Variants in DAB1 observed in about 807,000 individuals in gnomAD.
DAB1 encodes disabled homolog 1.
In DAB1, 15 loss-of-function variants were observed where a neutral mutation model predicts 64.6. The ratio of observed to expected loss-of-function variants is 0.23; its 90% CI spans 0.16 to 0.36. The LOEUF is 0.36. DAB1 is among the 10% of genes least tolerant of loss of function. The probability of loss-of-function intolerance (pLI) is 1.00; values close to 1 mark genes in which losing one functional copy is unlikely to be tolerated. For missense variants in DAB1, 596 were observed against 706.7 expected, an observed-to-expected ratio of 0.84 and a Z score of 1.78; for synonymous variants, 235 against 251.9, an observed-to-expected ratio of 0.93 and a Z score of 0.64.
At chr1:57,106,886 A>T (rs1655211251) in intron 4 of DAB1, among the ~76,000 whole-genome samples, 1 of 152,148 alleles carries the variant, frequency 6.6e-6, no homozygotes, top group African/African-American at 2.4e-5. Flanking sequence ...ATAAAAACAG[A>T]TACAAAGTAG....
At chr1:57,407,209 A>T (rs1005137688) in intron 1 of DAB1, among the ~76,000 whole-genome samples, 37 of 152,238 alleles carry the variant, frequency 2.4e-4, no homozygotes, top group African/African-American at 7.7e-4. Context: ...GATTTGGAGT[A>T]AACAAAATGT....
In DAB1 at chr1:58,154,641, G is replaced by A. The variant is rs78033595; in HGVS notation, n.310-4053C>T. Among the ~76,000 whole-genome samples, 1,044 of 152,244 alleles carry A rather than the reference G, an allele frequency of 6.9e-3. 43 individuals carry two copies. In the South Asian group the frequency reaches 0.099, roughly 14 times the overall value. ...ACCAGGAGACTAAAGGAGGGTGACT[G>A]GCTCTGCCTAGTAGAGTCCAGAATG... is the stretch of plus-strand genomic sequence containing the variant. On this transcript the variant is annotated intron_variant and non_coding_transcript_variant, in intron 4 of 20. Coordinates refer to the DAB1 transcript ENST00000485760.
intron 1 of DAB1, among the ~76,000 whole-genome samples, chr1:58,545,665 T>C (rs1272780291): frequency 6.6e-6 from 1 of 152,214 alleles, no homozygotes; most frequent in African/African-American, 2.4e-5. Context: ...CCTTAATTCT[T>C]TAAGTACCAT....
intron 7 of DAB1, among the ~76,000 whole-genome samples, chr1:57,475,517 A>T (rs780105868): frequency 6.6e-6 from 1 of 152,246 alleles, no homozygotes; most frequent in African/African-American, 2.4e-5. Context: ...TACTTGGATA[A>T]GGAAATCAAG....
chr1:58,452,622 C>T (rs1645150222), intron 3 of DAB1, among the ~76,000 whole-genome samples: 1 of 138,472 alleles, frequency 7.2e-6, no homozygotes, highest in Non-Finnish European at 1.5e-5. Flanking sequence ...CCAGCCTGGC[C>T]AACGTGGTGA....
chr1:58,450,525 C>T (rs12411175), intron 3 of DAB1, among the ~76,000 whole-genome samples: 46,312 of 152,046 alleles, frequency 0.3, 8,866 homozygotes, highest in Non-Finnish European at 0.42. Context: ...GAGGCCGAGG[C>T]GGGCGGATCA....
At chr1:57,781,172 A>G (rs1650081184) in intron 6 of DAB1, among the ~76,000 whole-genome samples, 1 of 70,132 alleles carries the variant, frequency 1.4e-5, no homozygotes, top group Non-Finnish European at 2.8e-5. Flanking sequence ...ATATATATAT[A>G]GTTGCCTAAT....
chr1:57,994,122 G>T (rs1646389487), intron 5 of DAB1, among the ~76,000 whole-genome samples: 1 of 152,180 alleles, frequency 6.6e-6, no homozygotes, highest in Non-Finnish European at 1.5e-5. Context: ...TGACTATTAA[G>T]TCTGGCAGCA....
intron 4 of DAB1, among the ~76,000 whole-genome samples, chr1:58,314,324 G>A (rs1475371843): frequency 6.6e-6 from 1 of 152,082 alleles, no homozygotes; most frequent in Admixed American, 6.6e-5. Flanking sequence ...CTGTTCTATG[G>A]CCTTGACAAC....
intron 1 of DAB1, among the ~76,000 whole-genome samples, chr1:57,320,192 G>T (rs1461179976): frequency 1.3e-5 from 2 of 152,160 alleles, no homozygotes; most frequent in African/African-American, 4.8e-5. Context: ...TGCCAGCAAG[G>T]TCCCAGAAGG....
intron 9 of DAB1, among the ~76,000 whole-genome samples, chr1:57,057,694 G>A (rs1277190559): frequency 6.7e-6 from 1 of 149,286 alleles, no homozygotes. Context: ...TGCAAGCTCT[G>A]CCTCCCGGGT....
intron 5 of DAB1, among the ~76,000 whole-genome samples, chr1:58,055,514 T>C (rs1435199744): frequency 6.9e-5 from 10 of 144,324 alleles, no homozygotes; most frequent in Non-Finnish European, 1.4e-4. Flanking sequence ...ACAGTCAGTA[T>C]ATTTTCTTTA....
chr1:58,540,971 A>C (rs1479270356), intron 1 of DAB1, among the ~76,000 whole-genome samples: 1 of 152,146 alleles, frequency 6.6e-6, no homozygotes, highest in African/African-American at 2.4e-5. Flanking sequence ...TGAAAGATAA[A>C]ATCTTAAACT....
At chr1:58,416,776 C>A (rs907870284) in intron 3 of DAB1, among the ~76,000 whole-genome samples, 1 of 152,092 alleles carries the variant, frequency 6.6e-6, no homozygotes, top group African/African-American at 2.4e-5. Context: ...AGGGACAGAT[C>A]TTCCTCTGCT....
intron 5 of DAB1, among the ~76,000 whole-genome samples, chr1:57,929,910 C>T (rs775431483): frequency 6.6e-6 from 1 of 152,204 alleles, no homozygotes; most frequent in Non-Finnish European, 1.5e-5. Context: ...ACCCCCAGGA[C>T]CCAACCACAT....
chr1:57,647,317 C>T (rs2101650336), intron 7 of DAB1, among the ~76,000 whole-genome samples: 1 of 152,280 alleles, frequency 6.6e-6, no homozygotes, highest in South Asian at 2.1e-4. Context: ...CAATGATGCA[C>T]CTTCAAATAA....
chr1:58,541,364 A>T (rs1646611909), intron 1 of DAB1: 1 of 146,910 alleles, frequency 6.8e-6, no homozygotes, highest in African/African-American at 2.5e-5. Context: ...ACATACTCTG[A>T]TTACATCTCT....
chr1:57,464,374 A>G (rs1686886465), intron 7 of DAB1, among the ~76,000 whole-genome samples: 1 of 152,104 alleles, frequency 6.6e-6, no homozygotes, highest in Non-Finnish European at 1.5e-5. Flanking sequence ...CTATCCATCC[A>G]GTTTCCATTT....
intron 3 of DAB1, among the ~76,000 whole-genome samples, chr1:58,350,281 C>T (rs2406650): frequency 0.15 from 22,060 of 152,060 alleles, 1,742 homozygotes; most frequent in African/African-American, 0.21. Flanking sequence ...CTCATATCCT[C>T]TGCACACTTT....
Sources: allele counts gnomAD v4.1 joint callset (sites outside exome capture counted in the v4.1 genomes callset), GRCh38; gene constraint gnomAD v4.1.1; transcripts MANE v1.5; gene names NCBI Gene and HGNC (gene_info 2026-07-23, HGNC 2026-07-21).